Variants in GDPD5 observed in about 807,000 individuals in gnomAD.
The protein encoded by GDPD5 is glycerophosphodiester phosphodiesterase 2.
A neutral mutation model predicts 75.1 loss-of-function variants in GDPD5; 48 were observed. The ratio of observed to expected loss-of-function variants is 0.64; its 90% confidence interval spans 0.51 to 0.81. The LOEUF (loss-of-function observed/expected upper bound fraction) is 0.81. Among genes scored for constraint, GDPD5 ranks in the 40% least tolerant of loss-of-function variants. The probability of loss-of-function intolerance (pLI) is 0.00; values close to 1 mark genes in which losing one functional copy is unlikely to be tolerated. For synonymous variants in GDPD5, 336 were observed against 339.0 expected, an observed-to-expected ratio of 0.99 and a Z score of 0.10; for missense variants, 706 against 822.6, an observed-to-expected ratio of 0.86 and a Z score of 1.73.
At chr11:75,441,123 C>T in intron 14 of GDPD5, 40 bp downstream of exon 14, 1 of 1,603,954 alleles carries the variant, frequency 6.2e-7, no homozygotes, top group Non-Finnish European at 8.5e-7. Context: ...ATAGGCAGCT[C>T]CAGCACTGCC....
intron 1 of GDPD5, among the ~76,000 whole-genome samples, chr11:75,492,206 G>A (rs748909063): frequency 1.4e-4 from 21 of 152,176 alleles, no homozygotes; most frequent in Non-Finnish European, 2.5e-4. Flanking sequence ...AATAGGCTGG[G>A]TGAGGCAGAA....
chr11:75,441,600 A>C (rs1363438552), intron 13 of GDPD5, 46 bp downstream of exon 13: 2 of 1,494,918 alleles, frequency 1.3e-6, no homozygotes, highest in Non-Finnish European at 1.8e-6. Context: ...ACTGGGAGAG[A>C]CTCAGTCCCA....
At position 75,510,307 on chromosome 11, in the gene GDPD5, C is replaced by T. The variant is rs78854102; in HGVS notation, c.-145+14903G>A. Among the ~76,000 whole-genome samples the T allele has an allele frequency of 2.2e-3, 342 of 152,310 alleles. 3 individuals are homozygous for T. The highest frequency in any genetic ancestry group is 4.6e-3 in the Admixed American group (71 of 15,304). ...GAGTAGGAAGGGAGGTGCCAGGTGA[C>T]CTCGCCTGACCACAAATGTGAGGAA... On this transcript the variant is annotated intron_variant, in intron 1 of 16. Coordinates refer to ENST00000336898, the MANE Select transcript of GDPD5 (RefSeq NM_030792.8).
chr11:75,469,096 AGCT>A (rs1394774916), intron 3 of GDPD5, among the ~76,000 whole-genome samples: 3 of 152,218 alleles, frequency 2.0e-5, no homozygotes, highest in Non-Finnish European at 4.4e-5. Context: ...ACATCTCTCC[AGCT>A]GCTGAGGACA....
chr11:75,517,357 G>C (rs1445552123), intron 1 of GDPD5: 1 of 152,366 alleles, frequency 6.6e-6, no homozygotes, highest in African/African-American at 2.4e-5. Flanking sequence ...GGGAGGCTGA[G>C]GCAGGAGAAT....
intron 15 of GDPD5, chr11:75,437,300 T>G: frequency 3.9e-6 from 2 of 515,790 alleles, no homozygotes; most frequent in Non-Finnish European, 6.9e-6. Flanking sequence ...GGCCCAGGAC[T>G]AGGGTTGGTT....
intron 3 of GDPD5, among the ~76,000 whole-genome samples, chr11:75,472,508 G>A (rs935276094): frequency 3.3e-5 from 5 of 152,078 alleles, no homozygotes; most frequent in African/African-American, 1.2e-4. Flanking sequence ...GGGTGATCTG[G>A]GAGGTCCCTC....
intron 3 of GDPD5, among the ~76,000 whole-genome samples, chr11:75,473,160 C>T (rs1012404888): frequency 2.6e-5 from 4 of 151,932 alleles, no homozygotes; most frequent in African/African-American, 9.7e-5. Flanking sequence ...TTCCCTACAC[C>T]GAGTGTCTTC....
chr11:75,462,266 C>T (rs1234626086), intron 4 of GDPD5, among the ~76,000 whole-genome samples: 1 of 152,216 alleles, frequency 6.6e-6, no homozygotes, highest in African/African-American at 2.4e-5. Flanking sequence ...TGCCCTGTGT[C>T]TCCCCAGTGG....
intron 6 of GDPD5, chr11:75,450,518 G>C (rs368956011): frequency 6.4e-6 from 1 of 157,478 alleles, no homozygotes; most frequent in Non-Finnish European, 1.4e-5. Context: ...GGCGGGAGTG[G>C]GTGGTGAAAC....
intron 6 of GDPD5, among the ~76,000 whole-genome samples, chr11:75,455,771 C>T (rs1949271261): frequency 6.6e-6 from 1 of 152,212 alleles, no homozygotes; most frequent in Admixed American, 6.5e-5. Flanking sequence ...ACTCTGTGCC[C>T]ACCAGGGCCC....
intron 14 of GDPD5, among the ~76,000 whole-genome samples, chr11:75,440,727 T>C (rs1235527343): frequency 1.3e-5 from 2 of 152,110 alleles, no homozygotes; most frequent in African/African-American, 4.8e-5. Context: ...AGCAAATTAA[T>C]TAATTATTAT....
intron 14 of GDPD5, among the ~76,000 whole-genome samples, chr11:75,440,533 T>C (rs1948763135): frequency 6.6e-6 from 1 of 152,204 alleles, no homozygotes; most frequent in Non-Finnish European, 1.5e-5. Context: ...TTATTTGCTG[T>C]TCTCTGAGCA....
intron 1 of GDPD5, among the ~76,000 whole-genome samples, chr11:75,512,986 A>G (rs928380763): frequency 6.6e-6 from 1 of 152,216 alleles, no homozygotes. Context: ...TCATCAACAC[A>G]TCTATGCACA....
rs1406035773 is a variant in GDPD5 at position 75,444,614 on chromosome 11, C to T, written c.715-119G>A. The T allele has an allele frequency of 1.8e-5, 13 of 735,986 alleles. No homozygotes were observed. In the East Asian group the frequency reaches 3.4e-4, roughly 19 times the overall value. 45.6% of individuals were successfully genotyped at this position (735,986 alleles called of 1,614,324 possible). A position where few individuals can be genotyped will look rare whatever the true frequency, so the allele number is the denominator to read the frequency against. ...AGGCCTGGTTCTAATTCTGGCCCCT[C>T]CACAGAGTAGCTGTGTGACCCTGGG... On this transcript the variant is annotated intron_variant, in intron 9 of 16. Transcript: ENST00000336898.
chr11:75,520,164 C>T (rs1333397660), intron 1 of GDPD5, among the ~76,000 whole-genome samples: 1 of 152,218 alleles, frequency 6.6e-6, no homozygotes, highest in Non-Finnish European at 1.5e-5. Flanking sequence ...GGCCTCCCTG[C>T]CATCTGGCAC....
chr11:75,508,596 C>T (rs373116331), intron 1 of GDPD5, among the ~76,000 whole-genome samples: 8 of 152,290 alleles, frequency 5.3e-5, no homozygotes, highest in African/African-American at 7.2e-5. Context: ...GGTAAATTGA[C>T]GTTTGTTCAC....
chr11:75,456,373 G>A (rs1369175972), intron 6 of GDPD5, among the ~76,000 whole-genome samples: 2 of 152,200 alleles, frequency 1.3e-5, no homozygotes, highest in African/African-American at 4.8e-5. Flanking sequence ...GGTGAGACCC[G>A]AGGCAGGGCC....
intron 9 of GDPD5, chr11:75,448,513 T>C: frequency 1.0e-6 from 1 of 986,768 alleles, no homozygotes; most frequent in South Asian, 4.7e-5. Context: ...TGCAGGGCTA[T>C]GGAGTGCACT....
Sources: gnomAD v4.1 joint callset for allele counts (sites outside exome capture counted in the v4.1 genomes callset) on GRCh38, gnomAD v4.1.1 for gene constraint, MANE v1.5 for transcripts, NCBI Gene and HGNC (gene_info 2026-07-23, HGNC 2026-07-21) for gene names.